SMYD3: variants seen among roughly 807,000 people sequenced by gnomAD.
SMYD3 encodes histone-lysine N-methyltransferase SMYD3.
In SMYD3, 36 loss-of-function variants were observed where a neutral mutation model predicts 57.7. The observed-to-expected ratio is 0.62, with a 90% CI of 0.48 to 0.82. The LOEUF is 0.82. Among genes scored for constraint, SMYD3 ranks in the 40% least tolerant of loss-of-function variants. The pLI is 0.00. For synonymous variants in SMYD3, 211 were observed against 195.0 expected (o/e 1.08, Z -0.68); for missense variants, 515 against 538.8 (o/e 0.96, Z 0.44).
chr1:246,491,088 A>G (rs1432037404), intron 1 of SMYD3, among the ~76,000 whole-genome samples: 1 of 152,234 alleles, frequency 6.6e-6, no homozygotes, highest in Non-Finnish European at 1.5e-5. Context: ...TAACTCATAA[A>G]GAGGATAAGA....
intron 11 of SMYD3, among the ~76,000 whole-genome samples, chr1:245,763,120 A>T (rs1216550370): frequency 6.6e-6 from 1 of 152,212 alleles, no homozygotes; most frequent in Non-Finnish European, 1.5e-5. Flanking sequence ...ATCGTGTTTT[A>T]ACAAGCTATT....
At chr1:245,909,652 T>G (rs529337497) in intron 8 of SMYD3, among the ~76,000 whole-genome samples, 2 of 152,010 alleles carry the variant, frequency 1.3e-5, no homozygotes, top group African/African-American at 4.8e-5. Flanking sequence ...GGAAGGATGG[T>G]TGAACATATG....
chr1:245,803,914 T>TTC (rs200165039), intron 10 of SMYD3, among the ~76,000 whole-genome samples: 91,707 of 128,238 alleles, frequency 0.72, 30,363 homozygotes, highest in Middle Eastern at 0.84. Context: ...TAAGTCAGTA[T>TTC]TTTTTTTTTT....
intron 1 of SMYD3, among the ~76,000 whole-genome samples, chr1:246,463,115 G>A (rs1558476538): frequency 6.6e-6 from 1 of 152,124 alleles, no homozygotes; most frequent in Non-Finnish European, 1.5e-5. Context: ...GGGACACATA[G>A]GCATGCTAAC....
chr1:245,958,018 G>GA (rs985169967), intron 5 of SMYD3, among the ~76,000 whole-genome samples: 5 of 148,530 alleles, frequency 3.4e-5, no homozygotes, highest in Admixed American at 2.0e-4. Context: ...GAGACTTTGA[G>GA]AAAAAAAAAG....
chr1:245,823,975 C>T (rs1393592299), intron 10 of SMYD3, among the ~76,000 whole-genome samples: 1 of 152,198 alleles, frequency 6.6e-6, no homozygotes, highest in Non-Finnish European at 1.5e-5. Context: ...GCCAGAATGA[C>T]AGCAGATGTC....
chr1:245,934,682 T>C (rs7355113), intron 5 of SMYD3, among the ~76,000 whole-genome samples: 19,106 of 152,090 alleles, frequency 0.13, 1,688 homozygotes, highest in East Asian at 0.53. Flanking sequence ...AAATGATGAT[T>C]CGCAAATCCC....
At chr1:246,193,014 A>C (rs1011998619) in intron 5 of SMYD3, among the ~76,000 whole-genome samples, 3 of 152,244 alleles carry the variant, frequency 2.0e-5, no homozygotes, top group African/African-American at 7.2e-5. Flanking sequence ...AGTACAGCCA[A>C]ATTAAGAACA....
chr1:246,491,666 T>C (rs932469583), intron 1 of SMYD3, among the ~76,000 whole-genome samples: 3 of 152,074 alleles, frequency 2.0e-5, no homozygotes, highest in Non-Finnish European at 4.4e-5. Flanking sequence ...CAAACAGATA[T>C]AATCAACTAA....
intron 2 of SMYD3, among the ~76,000 whole-genome samples, chr1:246,346,232 C>T (rs1346776686): frequency 1.3e-5 from 2 of 151,918 alleles, no homozygotes; most frequent in Non-Finnish European, 2.9e-5. Flanking sequence ...TGCAGTGAGC[C>T]GAGACGTTCT....
At position 246,411,972 on chromosome 1, in the gene SMYD3, T is replaced by TAAA. The variant is rs762945152; in HGVS notation, c.165-56879_165-56878insTTT. On this transcript the variant is annotated intron_variant, in intron 1 of 11. Transcript: ENST00000490107. ...CACACGTACCCTAAAACTTAAAGTA[T>TAAA]AATAAAAAAAAAAAAAAAAAACTTA... Among the ~76,000 whole-genome samples the TAAA allele has an allele frequency of 4.8e-5, 4 of 82,608 alleles. 1 individual carries two copies. Among genetic ancestry groups the TAAA allele is most frequent in the African/African-American group, 4.2e-5 (1 of 23,926 alleles). 54.2% of individuals were successfully genotyped at this position (82,608 alleles called of 152,430 possible).
intron 5 of SMYD3, among the ~76,000 whole-genome samples, chr1:245,976,922 CGTCTCT>C (rs2058445399): frequency 3.6e-5 from 2 of 55,954 alleles, no homozygotes; most frequent in African/African-American, 1.1e-4. Flanking sequence ...GGAAAGCCAT[CGTCTCT>C]AGCCTAGGGA....
intron 5 of SMYD3, among the ~76,000 whole-genome samples, chr1:246,208,935 CAAAT>C (rs2063042729): frequency 3.3e-5 from 5 of 152,056 alleles, no homozygotes; most frequent in Non-Finnish European, 5.9e-5. Context: ...AGCTAAAGGT[CAAAT>C]AATATATGAT....
intron 5 of SMYD3, among the ~76,000 whole-genome samples, chr1:246,083,860 C>T (rs568206088): frequency 2.6e-5 from 4 of 152,164 alleles, no homozygotes; most frequent in African/African-American, 7.2e-5. Flanking sequence ...TGTATTTGCT[C>T]AAGAATCATA....
chr1:246,017,256 T>C (rs1171149134), intron 5 of SMYD3, among the ~76,000 whole-genome samples: 1 of 152,224 alleles, frequency 6.6e-6, no homozygotes, highest in Non-Finnish European at 1.5e-5. Context: ...TGAAAGTTAG[T>C]TGCCAACACA....
At chr1:246,345,282 T>G (rs1459907916) in intron 2 of SMYD3, among the ~76,000 whole-genome samples, 1 of 152,240 alleles carries the variant, frequency 6.6e-6, no homozygotes, top group Non-Finnish European at 1.5e-5. Flanking sequence ...ATTTTCCATG[T>G]GCATATTAGC....
chr1:246,483,187 G>A (rs71638337), intron 1 of SMYD3, among the ~76,000 whole-genome samples: 1,564 of 152,242 alleles, frequency 0.01, 18 homozygotes, highest in South Asian at 0.049. Flanking sequence ...CTTCCCCCTC[G>A]ATGATATGTA....
At chr1:246,430,559 G>C (rs1170852179) in intron 1 of SMYD3, among the ~76,000 whole-genome samples, 1 of 152,198 alleles carries the variant, frequency 6.6e-6, no homozygotes, top group Non-Finnish European at 1.5e-5. Flanking sequence ...GACATTATCA[G>C]AGAGGTTGGA....
At chr1:246,231,783 C>A (rs985788048) in intron 5 of SMYD3, among the ~76,000 whole-genome samples, 2 of 151,926 alleles carry the variant, frequency 1.3e-5, no homozygotes, top group African/African-American at 4.8e-5. Flanking sequence ...CATGCAAGAT[C>A]CAATATAAGT....
Sources: allele counts gnomAD v4.1 joint callset (sites outside exome capture counted in the v4.1 genomes callset), GRCh38; gene constraint gnomAD v4.1.1; transcripts MANE v1.5; gene names NCBI Gene and HGNC (gene_info 2026-07-23, HGNC 2026-07-21).